Variants in TDP1 observed in about 807,000 individuals in gnomAD.
TDP1 encodes tyrosyl-DNA phosphodiesterase 1, also known as tyr-DNA phosphodiesterase 1.
In TDP1, 64 loss-of-function variants were observed where a neutral mutation model predicts 81.5. That is an observed-to-expected ratio of 0.79 (90% CI 0.64 to 0.97). The LOEUF is 0.97. Among genes scored for constraint, TDP1 ranks in the 50% least tolerant of loss-of-function variants. The probability of loss-of-function intolerance (pLI) is 0.00; values close to 1 mark genes in which losing one functional copy is unlikely to be tolerated. For synonymous variants in TDP1, 256 were observed against 264.3 expected, an observed-to-expected ratio of 0.97 and a Z score of 0.30; for missense variants, 723 against 743.8, an observed-to-expected ratio of 0.97 and a Z score of 0.33.
At chr14:90,003,822 CATA>C (rs1380221359) in intron 14 of TDP1, among the ~76,000 whole-genome samples, 1 of 152,162 alleles carries the variant, frequency 6.6e-6, no homozygotes, top group African/African-American at 2.4e-5. Flanking sequence ...TTTGAGGAAA[CATA>C]AAAGACATTC....
At position 90,019,338 on chromosome 14, in the gene TDP1, T is replaced by C; in HGVS notation, c.1564T>C (p.Trp522Arg). Residue 522 changes from tryptophan to arginine, a missense_variant, in exon 15 of 17, where the codon TGG becomes CGG. Transcript: ENST00000335725. ...CAGCGCAAATCTGTCCAAGGCTGCC[T>C]GGGGAGCATTGGAGAAGAATGGCAC... ...VTSANLSKAA[W>R]GALEKNGTQL... The C allele has an allele frequency of 6.2e-7, 1 of 1,610,890 alleles. No homozygotes were observed. Among genetic ancestry groups the C allele is most frequent in the Non-Finnish European group, 8.5e-7 (1 of 1,177,196 alleles).
intron 15 of TDP1, among the ~76,000 whole-genome samples, chr14:90,020,700 A>G (rs1416133617): frequency 7.3e-6 from 1 of 136,206 alleles, no homozygotes; most frequent in Non-Finnish European, 1.5e-5. Flanking sequence ...ACAAACACAC[A>G]TGACAAAGCT....
At position 89,993,482 on chromosome 14, in the gene TDP1, AG is replaced by A; in HGVS notation, c.1541+1del. The part of the protein sequence containing the change: ...FSKIAWFLVT[S>X]ANLSKAAWGA... The stretch of plus-strand genomic sequence containing the variant: ...TAAAATTGCTTGGTTCCTTGTCACA[AG>A]GTAAATAGTCCTTACATTCCTGATG... On this transcript the variant is annotated frameshift_variant and splice_region_variant, in exon 14 of 17. Transcript: ENST00000335725. LOFTEE classifies it high-confidence loss of function. The A allele has an allele frequency of 1.2e-6, 2 of 1,612,732 alleles. No individual in the cohort carries two copies. The highest frequency in any genetic ancestry group is 1.7e-6 in the Non-Finnish European group (2 of 1,178,942).
chr14:89,998,374 A>T (rs2401865), intron 14 of TDP1, among the ~76,000 whole-genome samples: 195 of 3,064 alleles, frequency 0.064, no homozygotes, highest in Middle Eastern at 0.5. Context: ...CAAGCACATT[A>T]TATATATATA....
At position 89,963,417 on chromosome 14, in the gene TDP1, G is replaced by T; in HGVS notation, c.303G>T (p.Pro101=). The T allele has an allele frequency of 6.2e-7, 1 of 1,614,136 alleles. No homozygotes were observed. The highest frequency in any genetic ancestry group is 8.5e-7 in the Non-Finnish European group (1 of 1,179,992). Residue 101 remains proline, a synonymous_variant, in exon 3 of 17, where the codon CCG becomes CCT. Coordinates refer to ENST00000335725, the MANE Select transcript of TDP1 (RefSeq NM_018319.4). ...ATGATGAGCTGCAACCAGAAATGCC[G>T]CAGAAGCAGGCTGAGAAAGTGGTGA... is the stretch of plus-strand genomic sequence containing the variant. ...SSDDELQPEM[P]QKQAEKVVIK...
At chr14:89,992,078 T>G in intron 13 of TDP1, 95 bp downstream of exon 13, 1 of 1,004,138 alleles carries the variant, frequency 1.0e-6, no homozygotes, top group Non-Finnish European at 1.6e-6. Flanking sequence ...AGGAACTTTA[T>G]GTAATATAGC....
intron 15 of TDP1, chr14:90,023,183 T>G (rs751381821): frequency 7.1e-6 from 5 of 700,264 alleles, no homozygotes; most frequent in Non-Finnish European, 1.3e-5. Flanking sequence ...AGAGGGACCA[T>G]GTGGTCTGCC....
In TDP1 at chr14:90,037,529, G is replaced by A. The variant is rs35891860; in HGVS notation, c.1753+4315G>A. Among the ~76,000 whole-genome samples the A allele has an allele frequency of 4.6e-5, 7 of 151,990 alleles. No homozygotes were observed. In the East Asian group the frequency reaches 1.4e-3, roughly 29 times the overall value. ...GTATTTTTTTCCTTTCAAAGTTTTG[G>A]CATAATTCCAAATTTACAGAAAAGT... is the stretch of plus-strand genomic sequence containing the variant. On this transcript the variant is annotated intron_variant, in intron 16 of 16. Transcript: ENST00000335725.
chr14:90,018,515 T>C (rs977354972), intron 14 of TDP1, among the ~76,000 whole-genome samples: 17 of 152,152 alleles, frequency 1.1e-4, no homozygotes, highest in African/African-American at 4.1e-4. Context: ...GACTGGAGTG[T>C]GGTGGTGTAG....
chr14:89,960,971 G>T (rs1332450438), intron 2 of TDP1, among the ~76,000 whole-genome samples: 1 of 152,218 alleles, frequency 6.6e-6, no homozygotes, highest in East Asian at 1.9e-4. Context: ...GGCCTGACAG[G>T]CTGGGAAGCA....
chr14:90,015,910 C>T (rs1244029495), intron 14 of TDP1, among the ~76,000 whole-genome samples: 2 of 152,294 alleles, frequency 1.3e-5, no homozygotes, highest in Middle Eastern at 3.4e-3. Flanking sequence ...CAGTTCCTAA[C>T]ACTCGGTAAT....
At chr14:89,990,644 C>CCT (rs1443848015) in intron 12 of TDP1, among the ~76,000 whole-genome samples, 1 of 137,620 alleles carries the variant, frequency 7.3e-6, no homozygotes, top group Non-Finnish European at 1.6e-5. Flanking sequence ...TCTTTTTGTG[C>CCT]CTCTAATAGG....
chr14:90,011,530 A>C (rs1225409109), intron 14 of TDP1, among the ~76,000 whole-genome samples: 1 of 152,220 alleles, frequency 6.6e-6, no homozygotes, highest in African/African-American at 2.4e-5. Flanking sequence ...TGATATGGAC[A>C]ATGAAGTCTA....
At chr14:89,975,626 T>A in intron 6 of TDP1, 155 bp from the exon 7 acceptor site, 5 of 458,240 alleles carry the variant, frequency 1.1e-5, no homozygotes, top group Non-Finnish European at 1.4e-5. Flanking sequence ...GATGCTATTA[T>A]AAAAGCTGTC....
chr14:89,980,765 T>C (rs1894886665), intron 8 of TDP1, 133 bp downstream of exon 8: 1 of 775,940 alleles, frequency 1.3e-6, no homozygotes, highest in African/African-American at 1.8e-5. Context: ...GAAAAAGAGT[T>C]GTATGCAGAA....
intron 15 of TDP1, among the ~76,000 whole-genome samples, chr14:90,020,813 T>TA (rs1271598100): frequency 6.9e-6 from 1 of 145,794 alleles, no homozygotes; most frequent in African/African-American, 2.6e-5. Flanking sequence ...TTTTTTTTTT[T>TA]TAGACAGAGT....
intron 7 of TDP1, among the ~76,000 whole-genome samples, chr14:89,977,479 G>A (rs1745639986): frequency 6.6e-6 from 1 of 151,336 alleles, no homozygotes; most frequent in African/African-American, 2.5e-5. Context: ...TGTATTTTTA[G>A]TAGAGATGGG....
At chr14:89,975,070 TCA>T (rs1894124401) in intron 6 of TDP1, among the ~76,000 whole-genome samples, 1 of 152,206 alleles carries the variant, frequency 6.6e-6, no homozygotes, top group Non-Finnish European at 1.5e-5. Context: ...GCCACCACTT[TCA>T]GTGTTTCTTT....
At chr14:90,025,078 T>C (rs777176207) in intron 15 of TDP1, among the ~76,000 whole-genome samples, 2 of 152,222 alleles carry the variant, frequency 1.3e-5, no homozygotes, top group Non-Finnish European at 2.9e-5. Flanking sequence ...CAGTAGGCCG[T>C]GTCACTTGCT....
Sources: allele counts gnomAD v4.1 joint callset (sites outside exome capture counted in the v4.1 genomes callset), GRCh38; gene constraint gnomAD v4.1.1; transcripts MANE v1.5; gene names NCBI Gene and HGNC (gene_info 2026-07-23, HGNC 2026-07-21).